Variants in KCNIP4 observed in about 807,000 individuals in gnomAD.
KCNIP4 encodes potassium voltage-gated channel interacting protein 4.
A neutral mutation model predicts 34.0 loss-of-function variants in KCNIP4; 12 were observed. The ratio of observed to expected loss-of-function variants is 0.35; its 90% CI spans 0.23 to 0.57. KCNIP4 has a LOEUF of 0.57. KCNIP4 is among the 20% of genes least tolerant of loss of function. The pLI is 0.83. For missense variants in KCNIP4, 238 were observed against 311.7 expected (o/e 0.76, Z 1.78); for synonymous variants, 124 against 102.2 (o/e 1.21, Z -1.29).
intron 1 of KCNIP4, among the ~76,000 whole-genome samples, chr4:21,387,335 A>G (rs1417534013): frequency 1.3e-5 from 2 of 152,208 alleles, no homozygotes; most frequent in African/African-American, 2.4e-5. Context: ...CATTTGGTTC[A>G]ATAAGAAAAG....
chr4:20,851,839 A>T (rs1236965374), intron 2 of KCNIP4, among the ~76,000 whole-genome samples: 1 of 152,202 alleles, frequency 6.6e-6, no homozygotes, highest in African/African-American at 2.4e-5. Context: ...GTAAAATGCA[A>T]CTACAAGATA....
intron 1 of KCNIP4, among the ~76,000 whole-genome samples, chr4:20,898,672 T>C (rs558353691): frequency 1.1e-4 from 17 of 152,330 alleles, no homozygotes; most frequent in African/African-American, 3.6e-4. Context: ...ATCTGGGACA[T>C]AGTAGAGTCT....
At chr4:21,352,570 G>A (rs1455325349) in intron 1 of KCNIP4, among the ~76,000 whole-genome samples, 1 of 152,212 alleles carries the variant, frequency 6.6e-6, no homozygotes, top group Non-Finnish European at 1.5e-5. Context: ...AGCCTGGCAG[G>A]GGGAGGGATG....
intron 1 of KCNIP4, among the ~76,000 whole-genome samples, chr4:20,979,558 C>G (rs1205149779): frequency 6.6e-6 from 1 of 152,038 alleles, no homozygotes; most frequent in Non-Finnish European, 1.5e-5. Context: ...GCCACCTCGC[C>G]CAGCTATTTT....
chr4:21,455,846 T>TTTTTTACAGAATGA (rs1728916131), intron 1 of KCNIP4, among the ~76,000 whole-genome samples: 1 of 111,160 alleles, frequency 9.0e-6, no homozygotes, highest in African/African-American at 4.5e-5. Context: ...TATATATATA[T>TTTTTTACAGAATGA]ATATATATAT....
intron 1 of KCNIP4, among the ~76,000 whole-genome samples, chr4:21,519,809 A>ATGTGTGTGTGTATACACGTGTGTG (rs555774512): frequency 7.6e-6 from 1 of 132,346 alleles, no homozygotes; most frequent in South Asian, 2.6e-4. Context: ...ACGTGTGTGT[A>ATGTGTGTGTGTATACACGTGTGTG]TGTGTGTGTA....
At chr4:21,444,392 T>C (rs1283132111) in intron 1 of KCNIP4, among the ~76,000 whole-genome samples, 2 of 152,084 alleles carry the variant, frequency 1.3e-5, no homozygotes, top group African/African-American at 4.8e-5. Context: ...TACTGGCAAA[T>C]TGAATCCAGC....
At chr4:21,054,651 C>A (rs1435266886) in intron 1 of KCNIP4, among the ~76,000 whole-genome samples, 1 of 143,846 alleles carries the variant, frequency 7.0e-6, no homozygotes, top group East Asian at 2.1e-4. Flanking sequence ...TAAATACAGT[C>A]TTTTCAACAA....
At position 21,322,935 on chromosome 4, in the gene KCNIP4, T is replaced by A. The variant is rs1354702391; in HGVS notation, c.62-440226A>T. Among the ~76,000 whole-genome samples the A allele has an allele frequency of 1.1e-4, 16 of 152,084 alleles. 1 individual carries two copies. The highest frequency in any genetic ancestry group is 2.9e-5 in the Non-Finnish European group (2 of 68,004). On this transcript the variant is annotated intron_variant, in intron 1 of 8. Coordinates refer to ENST00000382152, the MANE Select transcript of KCNIP4 (RefSeq NM_025221.6). Reference sequence around the variant, plus strand: ...ATCTAACAGCAATTTGCCCAAGGCATAACATTTAGTAAATGTTCAATTAAT... The same window carrying A: ...ATCTAACAGCAATTTGCCCAAGGCAAAACATTTAGTAAATGTTCAATTAAT...
intron 1 of KCNIP4, among the ~76,000 whole-genome samples, chr4:21,120,037 G>A (rs572514706): frequency 1.3e-5 from 2 of 152,216 alleles, no homozygotes; most frequent in South Asian, 4.1e-4. Flanking sequence ...GATTGTTCTA[G>A]CCTTCCCAAT....
In KCNIP4 at chr4:21,680,153, TTGAC is replaced by T. The variant is rs527511556; in HGVS notation, c.61+268414_61+268417del. Among the ~76,000 whole-genome samples the T allele has an allele frequency of 4.6e-4, 70 of 151,304 alleles. 1 individual carries two copies. The South Asian group carries it at 4.8e-3, about 10-fold the overall frequency. ...TCCTCTCAAACACTACTGCTGTTTA[TTGAC>T]TAAGTTTATGTAACAGTCTAAATTC... is the stretch of plus-strand genomic sequence containing the variant. On this transcript the variant is annotated intron_variant, in intron 1 of 8. Coordinates refer to ENST00000382152, the MANE Select transcript of KCNIP4 (RefSeq NM_025221.6).
chr4:21,448,941 C>CA (rs1202917901), intron 1 of KCNIP4, among the ~76,000 whole-genome samples: 1 of 152,070 alleles, frequency 6.6e-6, no homozygotes, highest in African/African-American at 2.4e-5. Flanking sequence ...AGAGACAAGG[C>CA]AAAAATAAAG....
chr4:21,919,792 G>A (rs113576311), intron 1 of KCNIP4, among the ~76,000 whole-genome samples: 35 of 152,242 alleles, frequency 2.3e-4, no homozygotes, highest in African/African-American at 6.7e-4. Context: ...AGAAAAATGT[G>A]GAAGTCATTT....
intron 1 of KCNIP4, among the ~76,000 whole-genome samples, chr4:21,229,026 A>G (rs890896546): frequency 6.6e-6 from 1 of 152,180 alleles, no homozygotes; most frequent in Non-Finnish European, 1.5e-5. Context: ...TCTTCACCAC[A>G]ATGATTGAAT....
At chr4:21,237,678 A>G (rs1759470104) in intron 1 of KCNIP4, among the ~76,000 whole-genome samples, 1 of 152,228 alleles carries the variant, frequency 6.6e-6, no homozygotes, top group Non-Finnish European at 1.5e-5. Flanking sequence ...AGACAAAACC[A>G]GGAAAAAGTT....
intron 1 of KCNIP4, among the ~76,000 whole-genome samples, chr4:21,058,116 A>G: frequency 6.6e-6 from 1 of 152,160 alleles, no homozygotes. Flanking sequence ...GTTGAAAAAT[A>G]AAAACCTATC....
chr4:21,042,823 G>T (rs1367367534), intron 1 of KCNIP4, among the ~76,000 whole-genome samples: 1 of 152,158 alleles, frequency 6.6e-6, no homozygotes, highest in Admixed American at 6.5e-5. Flanking sequence ...TCGTGAATAA[G>T]CAAAAGGAAG....
chr4:20,734,045 G>T (rs996523417), intron 6 of KCNIP4, among the ~76,000 whole-genome samples: 1 of 152,178 alleles, frequency 6.6e-6, no homozygotes, highest in African/African-American at 2.4e-5. Context: ...AGGATTTAGG[G>T]AGTGGTCTTT....
At chr4:20,857,597 G>C (rs1379866317) in intron 2 of KCNIP4, among the ~76,000 whole-genome samples, 1 of 151,926 alleles carries the variant, frequency 6.6e-6, no homozygotes, top group African/African-American at 2.4e-5. Context: ...ATATATATGG[G>C]TTTCCATATA....
Sources: allele counts gnomAD v4.1 joint callset (sites outside exome capture counted in the v4.1 genomes callset), GRCh38; gene constraint gnomAD v4.1.1; transcripts MANE v1.5; gene names NCBI Gene and HGNC (gene_info 2026-07-23, HGNC 2026-07-21).